TCF7L1: variants seen among roughly 807,000 people sequenced by gnomAD.
TCF7L1 encodes the protein transcription factor 7-like 1.
Under a neutral mutation model 63.7 loss-of-function variants are expected in TCF7L1, and 18 were observed. The ratio of observed to expected loss-of-function variants is 0.28; its 90% CI spans 0.20 to 0.42. The LOEUF is 0.42. Ranked by LOEUF, TCF7L1 falls within the 10% of genes least tolerant of loss-of-function variation. TCF7L1 has a pLI of 1.00. For synonymous variants in TCF7L1, 355 were observed against 340.9 expected (o/e 1.04, Z -0.46); for missense variants, 654 against 779.3 (o/e 0.84, Z 1.91).
intron 3 of TCF7L1, among the ~76,000 whole-genome samples, chr2:85,243,109 C>CT (rs1680376374): frequency 6.6e-6 from 1 of 152,168 alleles, no homozygotes; most frequent in Non-Finnish European, 1.5e-5. Flanking sequence ...ATTATTCCGC[C>CT]CTTAACTCAT....
intron 3 of TCF7L1, among the ~76,000 whole-genome samples, chr2:85,278,107 T>A (rs758338511): frequency 2.0e-5 from 3 of 152,156 alleles, no homozygotes; most frequent in Non-Finnish European, 2.9e-5. Context: ...ATGGCTCCAA[T>A]CAAAGCAAGG....
At chr2:85,210,575 T>C (rs1177060141) in intron 3 of TCF7L1, among the ~76,000 whole-genome samples, 1 of 151,628 alleles carries the variant, frequency 6.6e-6, no homozygotes. Flanking sequence ...GAGGAAGAGG[T>C]TTCACCAGGC....
Position 85,304,969 on chromosome 2 carries a change from T to A in TCF7L1, c.846-291T>A, listed in dbSNP as rs149343587. 8.1e-4 allele frequency among the ~76,000 whole-genome samples: 124 copies of A among 152,268 alleles called. 1 individual carries two copies. Among genetic ancestry groups the A allele is most frequent in the African/African-American group, 2.9e-3 (120 of 41,560 alleles). ...GGAAAGCTGCCCACAGCCTAAGCCC[T>A]TCTTTTCCCCAGTATGCCCGGGCCT... On this transcript the variant is annotated intron_variant, in intron 7 of 11. Coordinates refer to ENST00000282111, the MANE Select transcript of TCF7L1 (RefSeq NM_031283.3).
chr2:85,304,242 C>T lies in TCF7L1; in HGVS notation c.762-13C>T, dbSNP rs371001650. ...TTTCCCAATATGCTGACCAGATTTC[C>T]TCCCCCTCACAGGCAAGGCCAGCCC... On this transcript the variant is annotated splice_polypyrimidine_tract_variant and intron_variant, in intron 6 of 11. Coordinates refer to ENST00000282111, the MANE Select transcript of TCF7L1 (RefSeq NM_031283.3). The T allele has an allele frequency of 2.9e-5, 46 of 1,610,752 alleles. No homozygotes were observed. The highest frequency in any genetic ancestry group is 3.7e-5 in the Non-Finnish European group (44 of 1,177,878).
intron 3 of TCF7L1, among the ~76,000 whole-genome samples, chr2:85,196,945 G>A (rs891844853): frequency 6.6e-6 from 1 of 151,986 alleles, no homozygotes; most frequent in African/African-American, 2.4e-5. Flanking sequence ...CTCAGCCCCC[G>A]GCACTCCCCA....
intron 3 of TCF7L1, among the ~76,000 whole-genome samples, chr2:85,224,480 T>C (rs1446653497): frequency 6.6e-6 from 1 of 152,222 alleles, no homozygotes; most frequent in African/African-American, 2.4e-5. Context: ...ATCGCCATTC[T>C]AACTGGCATG....
chr2:85,247,938 G>A (rs917095173), intron 3 of TCF7L1, among the ~76,000 whole-genome samples: 15 of 152,120 alleles, frequency 9.9e-5, no homozygotes, highest in Admixed American at 6.5e-4. Flanking sequence ...AAACAGAAGC[G>A]AATCTAGGCC....
chr2:85,144,417 C>CAAAAAAAAA (rs55964315), intron 3 of TCF7L1, among the ~76,000 whole-genome samples: 1 of 95,048 alleles, frequency 1.1e-5, no homozygotes, highest in Non-Finnish European at 2.1e-5. Flanking sequence ...CCTGTCTCTA[C>CAAAAAAAAA]AAAAAAAAAA....
chr2:85,143,284 T>C (rs17762108), intron 3 of TCF7L1, among the ~76,000 whole-genome samples: 8,937 of 152,308 alleles, frequency 0.059, 354 homozygotes, highest in Middle Eastern at 0.11. Context: ...GCTGCAAATA[T>C]GTGAAACTAT....
intron 4 of TCF7L1, among the ~76,000 whole-genome samples, chr2:85,299,860 AACAC>A (rs61569778): frequency 0.03 from 2,800 of 92,714 alleles, 143 homozygotes; most frequent in African/African-American, 0.095. Context: ...CCTTGTCTCA[AACAC>A]ACACACACAC....
intron 3 of TCF7L1, among the ~76,000 whole-genome samples, chr2:85,205,414 C>G (rs1417713270): frequency 6.6e-6 from 1 of 152,150 alleles, no homozygotes; most frequent in Non-Finnish European, 1.5e-5. Flanking sequence ...CAATTGTCAA[C>G]TAAAGCCTGT....
At chr2:85,140,685 G>T (rs62162827) in intron 3 of TCF7L1, among the ~76,000 whole-genome samples, 1 of 151,962 alleles carries the variant, frequency 6.6e-6, no homozygotes, top group African/African-American at 2.4e-5. Context: ...CTGTAATCCC[G>T]GGTACTCAGG....
At chr2:85,135,463 TG>T (rs1178020255) in intron 3 of TCF7L1, among the ~76,000 whole-genome samples, 1 of 152,186 alleles carries the variant, frequency 6.6e-6, no homozygotes, top group Admixed American at 6.5e-5. Context: ...GCCACTTCGC[TG>T]TCGACGGTGG....
chr2:85,253,827 T>C (rs1680646150), intron 3 of TCF7L1, among the ~76,000 whole-genome samples: 1 of 152,218 alleles, frequency 6.6e-6, no homozygotes, highest in South Asian at 2.1e-4. Context: ...CTTTTCAACA[T>C]GTGGGAGCTG....
At chr2:85,194,401 C>T (rs1481803953) in intron 3 of TCF7L1, among the ~76,000 whole-genome samples, 2 of 152,038 alleles carry the variant, frequency 1.3e-5, no homozygotes, top group Admixed American at 6.6e-5. Flanking sequence ...TGGTGGCGCA[C>T]GCCTGTAATC....
chr2:85,280,357 C>T (rs1681382030), intron 3 of TCF7L1, among the ~76,000 whole-genome samples: 1 of 152,044 alleles, frequency 6.6e-6, no homozygotes, highest in Non-Finnish European at 1.5e-5. Flanking sequence ...CCTGAGAAAC[C>T]CTGCACTACA....
At position 85,153,340 on chromosome 2, in the gene TCF7L1, A is replaced by ATTTTTTTTTTTTTTT. The variant is rs66697146; in HGVS notation, c.441+18895_441+18909dup. Among the ~76,000 whole-genome samples, 426 of 102,218 alleles carry ATTTTTTTTTTTTTTT rather than the reference A, an allele frequency of 4.2e-3. 37 individuals carry two copies. The highest frequency in any genetic ancestry group is 0.013 in the African/African-American group (300 of 23,716). The allele number at this position is 102,218 out of a possible 152,430, so 67.1% of individuals were successfully genotyped here. On this transcript the variant is annotated intron_variant, in intron 3 of 11. Coordinates refer to ENST00000282111, the MANE Select transcript of TCF7L1 (RefSeq NM_031283.3). ...TTCATGATCTTGCTAGCCTTTATAA[A>ATTTTTTTTTTTTTTT]TTTTTTTTTTTTTTTTTTTGAGATG...
At chr2:85,214,815 T>A (rs570312108) in intron 3 of TCF7L1, among the ~76,000 whole-genome samples, 12 of 152,284 alleles carry the variant, frequency 7.9e-5, no homozygotes, top group African/African-American at 2.9e-4. Context: ...TCTCAGTGAA[T>A]AAGTAACAAT....
chr2:85,259,132 C>T (rs1680796081), intron 3 of TCF7L1, among the ~76,000 whole-genome samples: 1 of 152,208 alleles, frequency 6.6e-6, no homozygotes. Flanking sequence ...TCCCCCACAG[C>T]ACCACACACA....
Sources: allele counts gnomAD v4.1 joint callset (sites outside exome capture counted in the v4.1 genomes callset), GRCh38; gene constraint gnomAD v4.1.1; transcripts MANE v1.5; gene names NCBI Gene and HGNC (gene_info 2026-07-23, HGNC 2026-07-21).